SPOCK3: variants seen among roughly 807,000 people sequenced by gnomAD.
The protein encoded by SPOCK3 is SPARC (osteonectin), cwcv and kazal like domains proteoglycan 3.
A neutral mutation model predicts 56.6 loss-of-function variants in SPOCK3; 30 were observed. The observed-to-expected ratio is 0.53, with a 90% CI of 0.40 to 0.72. The LOEUF (loss-of-function observed/expected upper bound fraction) is 0.72. SPOCK3 is among the 30% of genes least tolerant of loss of function. The pLI, the probability that SPOCK3 is intolerant of heterozygous loss-of-function variation, is 0.00. For missense variants in SPOCK3, 527 were observed against 530.0 expected (o/e 0.99, Z 0.06); for synonymous variants, 196 against 183.3 (o/e 1.07, Z -0.56).
rs761551784 is a variant in SPOCK3, at chr4:167,146,674, A to G, written c.190-84137T>C. ...TAAGAAACTCACTCAAAACTGCACA[A>G]ACACATGGAAACTGAACAACCTGCA... On this transcript the variant is annotated intron_variant, in intron 2 of 10. Coordinates refer to ENST00000357545, the MANE Select transcript of SPOCK3 (RefSeq NM_001040159.2). Among the ~76,000 whole-genome samples, 7 of 152,196 alleles carry G rather than the reference A, an allele frequency of 4.6e-5. 1 individual carries two copies. Among genetic ancestry groups the G allele is most frequent in the Non-Finnish European group, 8.8e-5 (6 of 68,034 alleles).
chr4:167,190,981 T>G (rs1732425920), intron 2 of SPOCK3, among the ~76,000 whole-genome samples: 1 of 145,768 alleles, frequency 6.9e-6, no homozygotes, highest in South Asian at 2.1e-4. Context: ...TTGGTCTAAG[T>G]GTCTGTTTTT....
intron 4 of SPOCK3, among the ~76,000 whole-genome samples, chr4:166,950,564 T>G (rs1396855362): frequency 6.6e-6 from 1 of 151,788 alleles, no homozygotes; most frequent in Non-Finnish European, 1.5e-5. Context: ...GGAATTGAAC[T>G]CAGCTCTGCA....
chr4:167,034,517 C>T (rs866495577), intron 3 of SPOCK3, among the ~76,000 whole-genome samples: 1 of 152,190 alleles, frequency 6.6e-6, no homozygotes, highest in African/African-American at 2.4e-5. Context: ...AACACTACCA[C>T]AAAATGAAAC....
chr4:167,099,719 T>A (rs1302494783), intron 2 of SPOCK3, among the ~76,000 whole-genome samples: 1 of 152,094 alleles, frequency 6.6e-6, no homozygotes, highest in African/African-American at 2.4e-5. Flanking sequence ...TTATACTTTT[T>A]AAAAAATTTT....
intron 5 of SPOCK3, among the ~76,000 whole-genome samples, chr4:166,902,967 G>T (rs988109812): frequency 4.7e-5 from 7 of 150,386 alleles, no homozygotes; most frequent in Non-Finnish European, 1.0e-4. Context: ...AGAATTTTAA[G>T]TATTTAAAAT....
Position 166,861,568 on chromosome 4 carries a change from TAA to T in SPOCK3, c.589+27560_589+27561del, listed in dbSNP as rs751561684. Among the ~76,000 whole-genome samples the T allele has an allele frequency of 1.1e-3, 163 of 152,086 alleles. 1 individual carries two copies. The highest frequency in any genetic ancestry group is 6.6e-4 in the Admixed American group (10 of 15,238). On this transcript the variant is annotated intron_variant, in intron 6 of 10. Transcript: ENST00000357545. ...ACGTTTGTTGAAGATTAAAGTGAAA[TAA>T]ATTTCCTTTGTAGTGTGCAGGATCC...
At chr4:166,881,758 A>G (rs1733709115) in intron 6 of SPOCK3, among the ~76,000 whole-genome samples, 1 of 152,108 alleles carries the variant, frequency 6.6e-6, no homozygotes, top group East Asian at 1.9e-4. Flanking sequence ...CTCAAATATC[A>G]TTTTAAGAGA....
intron 2 of SPOCK3, among the ~76,000 whole-genome samples, chr4:167,222,594 T>A (rs1001905762): frequency 7.1e-6 from 1 of 141,444 alleles, no homozygotes; most frequent in Non-Finnish European, 1.5e-5. Context: ...GAATATATAA[T>A]ATATACACAT....
intron 6 of SPOCK3, among the ~76,000 whole-genome samples, chr4:166,879,785 A>G (rs762690283): frequency 3.3e-5 from 5 of 152,100 alleles, no homozygotes; most frequent in African/African-American, 9.7e-5. Flanking sequence ...TTAATCTCCA[A>G]TGTTGGAGGT....
chr4:167,016,632 C>T (rs1337296510), intron 3 of SPOCK3, among the ~76,000 whole-genome samples: 1 of 151,810 alleles, frequency 6.6e-6, no homozygotes, highest in African/African-American at 2.4e-5. Flanking sequence ...CATTTGCCTC[C>T]TGGGTTCAAG....
At chr4:167,014,191 G>T (rs1478860101) in intron 3 of SPOCK3, among the ~76,000 whole-genome samples, 1 of 151,736 alleles carries the variant, frequency 6.6e-6, no homozygotes, top group Non-Finnish European at 1.5e-5. Flanking sequence ...CCTCTAGTAG[G>T]ACACAGAATT....
chr4:166,809,132 TA>T (rs532660218), intron 6 of SPOCK3, among the ~76,000 whole-genome samples: 1 of 152,006 alleles, frequency 6.6e-6, no homozygotes, highest in Non-Finnish European at 1.5e-5. Context: ...GTTTAAACAG[TA>T]AAAAATAAAT....
chr4:167,117,516 C>A (rs373122148), intron 2 of SPOCK3, among the ~76,000 whole-genome samples: 1 of 152,116 alleles, frequency 6.6e-6, no homozygotes, highest in Non-Finnish European at 1.5e-5. Context: ...CCCCCACCCA[C>A]GTAGTACACA....
chr4:167,162,205 C>T (rs1367082374), intron 2 of SPOCK3, among the ~76,000 whole-genome samples: 3 of 152,034 alleles, frequency 2.0e-5, no homozygotes, highest in Non-Finnish European at 4.4e-5. Context: ...ACCAGTTTAT[C>T]TGTTTCTCTG....
intron 3 of SPOCK3, among the ~76,000 whole-genome samples, chr4:167,028,499 T>C (rs889517356): frequency 1.1e-4 from 17 of 152,098 alleles, no homozygotes; most frequent in African/African-American, 3.9e-4. Flanking sequence ...AGTATGGAGC[T>C]ACAGACTTGA....
intron 4 of SPOCK3, among the ~76,000 whole-genome samples, chr4:166,975,433 A>G (rs1370704259): frequency 1.3e-5 from 2 of 152,202 alleles, no homozygotes; most frequent in Non-Finnish European, 2.9e-5. Context: ...ATACAGGCAT[A>G]CCATGTGCAC....
chr4:167,010,931 G>A (rs1314888781), intron 3 of SPOCK3, among the ~76,000 whole-genome samples: 3 of 152,080 alleles, frequency 2.0e-5, no homozygotes, highest in Non-Finnish European at 4.4e-5. Flanking sequence ...AAGGGCAATG[G>A]AGCAAATTAT....
chr4:166,929,222 A>G (rs989369494), intron 4 of SPOCK3, among the ~76,000 whole-genome samples: 5 of 152,144 alleles, frequency 3.3e-5, no homozygotes, highest in Non-Finnish European at 7.4e-5. Flanking sequence ...TAGGTTTAAA[A>G]CACATAGCAG....
At chr4:166,747,998 C>T (rs2126450037) in intron 8 of SPOCK3, among the ~76,000 whole-genome samples, 1 of 152,170 alleles carries the variant, frequency 6.6e-6, no homozygotes, top group Admixed American at 6.6e-5. Context: ...ATACAAACAA[C>T]TGGAAGTACA....
Sources: gnomAD v4.1 joint callset for allele counts (sites outside exome capture counted in the v4.1 genomes callset) on GRCh38, gnomAD v4.1.1 for gene constraint, MANE v1.5 for transcripts, NCBI Gene and HGNC (gene_info 2026-07-23, HGNC 2026-07-21) for gene names.